The following SIPA1L1 variants were observed in gnomAD, a reference collection of about 807,000 sequenced individuals.
SIPA1L1 encodes signal-induced proliferation-associated 1-like protein 1.
Under a neutral mutation model 162.7 loss-of-function variants are expected in SIPA1L1, and 26 were observed. The observed-to-expected ratio is 0.16, with a 90% CI of 0.12 to 0.22. SIPA1L1 has a LOEUF of 0.22. Among genes scored for constraint, SIPA1L1 ranks in the 10% least tolerant of loss-of-function variants. SIPA1L1 has a pLI of 1.00. For synonymous variants in SIPA1L1, 829 were observed against 837.4 expected (o/e 0.99, Z 0.17); for missense variants, 1,874 against 2,241.0 (o/e 0.84, Z 3.31).
intron 8 of SIPA1L1, among the ~76,000 whole-genome samples, chr14:71,657,876 T>G (rs989124381): frequency 6.6e-6 from 1 of 152,124 alleles, no homozygotes; most frequent in African/African-American, 2.4e-5. Context: ...CCACAGTAAT[T>G]CATTTACCTG....
intron 2 of SIPA1L1, among the ~76,000 whole-genome samples, chr14:71,412,226 G>A (rs2042456013): frequency 1.3e-5 from 2 of 152,184 alleles, no homozygotes; most frequent in South Asian, 4.1e-4. Flanking sequence ...CAGCCCACGA[G>A]CCACATGTGG....
At chr14:71,340,527 T>TAAG (rs2035537691) in intron 2 of SIPA1L1, among the ~76,000 whole-genome samples, 1 of 152,218 alleles carries the variant, frequency 6.6e-6, no homozygotes, top group Admixed American at 6.5e-5. Context: ...AAAGGCTAAA[T>TAAG]AACTTGTCTA....
intron 2 of SIPA1L1, among the ~76,000 whole-genome samples, chr14:71,476,720 C>T (rs150802230): frequency 8.6e-5 from 13 of 151,052 alleles, no homozygotes; most frequent in African/African-American, 3.2e-4. Flanking sequence ...ATCTGTTGCC[C>T]AGGCTGGAGT....
chr14:71,419,124 C>G (rs1029078714), intron 2 of SIPA1L1, among the ~76,000 whole-genome samples: 1 of 152,102 alleles, frequency 6.6e-6, no homozygotes, highest in African/African-American at 2.4e-5. Flanking sequence ...TGAGTTCTGC[C>G]TGTAATAGTT....
chr14:71,638,463 G>GA (rs1282728050), intron 7 of SIPA1L1, among the ~76,000 whole-genome samples: 2 of 152,192 alleles, frequency 1.3e-5, no homozygotes, highest in African/African-American at 2.4e-5. Context: ...AATTGGTGCA[G>GA]AAAAAGCATT....
intron 4 of SIPA1L1, among the ~76,000 whole-genome samples, chr14:71,545,257 A>G (rs1479137330): frequency 2.0e-5 from 3 of 152,190 alleles, no homozygotes; most frequent in South Asian, 2.1e-4. Flanking sequence ...ATAAAAGCCA[A>G]TTAGATTTTG....
chr14:71,620,373 C>T (rs1371141004), intron 6 of SIPA1L1, among the ~76,000 whole-genome samples: 1 of 152,198 alleles, frequency 6.6e-6, no homozygotes, highest in Non-Finnish European at 1.5e-5. Flanking sequence ...CTGGCCGTTC[C>T]TACCAGTTTT....
At chr14:71,516,771 G>T (rs2051774358) in intron 3 of SIPA1L1, among the ~76,000 whole-genome samples, 1 of 151,832 alleles carries the variant, frequency 6.6e-6, no homozygotes, top group South Asian at 2.1e-4. Flanking sequence ...TGAGGAGTTT[G>T]AGACCAGCCT....
intron 2 of SIPA1L1, among the ~76,000 whole-genome samples, chr14:71,462,275 T>A (rs2046660643): frequency 6.6e-6 from 1 of 152,210 alleles, no homozygotes; most frequent in African/African-American, 2.4e-5. Context: ...TCCTCTGTGA[T>A]TCACCTATGG....
chr14:71,600,431 T>C (rs2036596563), intron 5 of SIPA1L1, among the ~76,000 whole-genome samples: 1 of 152,228 alleles, frequency 6.6e-6, no homozygotes, highest in Non-Finnish European at 1.5e-5. Context: ...TTCTGTATTC[T>C]GGATTCTGTT....
intron 3 of SIPA1L1, among the ~76,000 whole-genome samples, chr14:71,513,247 CTGG>C (rs1235536722): frequency 6.6e-6 from 1 of 152,020 alleles, no homozygotes; most frequent in African/African-American, 2.4e-5. Context: ...TGTAAGACAT[CTGG>C]TTGGTGTCTT....
At chr14:71,332,136 T>G (rs2034616980) in intron 2 of SIPA1L1, among the ~76,000 whole-genome samples, 1 of 152,200 alleles carries the variant, frequency 6.6e-6, no homozygotes, top group Non-Finnish European at 1.5e-5. Flanking sequence ...ACCAAATGAA[T>G]TTGTATCTGC....
intron 2 of SIPA1L1, among the ~76,000 whole-genome samples, chr14:71,358,650 C>T (rs1359594738): frequency 6.6e-6 from 1 of 152,136 alleles, no homozygotes; most frequent in Non-Finnish European, 1.5e-5. Context: ...TTAGTCAATT[C>T]TTGCACTAGT....
intron 2 of SIPA1L1, among the ~76,000 whole-genome samples, chr14:71,356,679 G>A (rs576146491): frequency 3.3e-5 from 5 of 150,958 alleles, no homozygotes; most frequent in African/African-American, 1.2e-4. Flanking sequence ...TGGTGCCACT[G>A]TACTCCAGCC....
intron 12 of SIPA1L1, among the ~76,000 whole-genome samples, chr14:71,675,043 TG>T (rs2044989377): frequency 6.6e-6 from 1 of 152,230 alleles, no homozygotes; most frequent in Non-Finnish European, 1.5e-5. Context: ...GGCTTTCTGC[TG>T]GGGTGAAGAA....
At chr14:71,647,231 A>T (rs117591830) in intron 7 of SIPA1L1, among the ~76,000 whole-genome samples, 210 of 152,172 alleles carry the variant, frequency 1.4e-3, no homozygotes, top group Non-Finnish European at 2.5e-3. Flanking sequence ...CTCTTAAAGG[A>T]TCATTCCTTT....
intron 2 of SIPA1L1, among the ~76,000 whole-genome samples, chr14:71,371,432 G>A (rs914187403): frequency 3.9e-5 from 6 of 152,070 alleles, no homozygotes; most frequent in African/African-American, 1.2e-4. Context: ...TTGTCACCTA[G>A]GCTGGAGTGC....
chr14:71,637,051 TA>T lies in SIPA1L1; in HGVS notation c.1818+12831del, dbSNP rs199901513. On this transcript the variant is annotated intron_variant, in intron 7 of 23. Coordinates refer to ENST00000381232, the MANE Select transcript of SIPA1L1 (RefSeq NM_001386936.1). ...GAGTGACAGAATGAGACTCCATCTT[TA>T]AAAAAAAAAAAAAAACAGCTACATC... Among the ~76,000 whole-genome samples the T allele has an allele frequency of 6.9e-3, 838 of 121,122 alleles. 12 individuals carry two copies. The highest frequency in any genetic ancestry group is 0.042 in the Admixed American group (502 of 11,916). 79.5% of individuals were successfully genotyped at this position (121,122 alleles called of 152,430 possible). A position where few individuals can be genotyped will look rare whatever the true frequency, so the allele number is the denominator to read the frequency against.
chr14:71,604,294 G>A (rs1026936023), intron 5 of SIPA1L1, among the ~76,000 whole-genome samples: 2 of 151,912 alleles, frequency 1.3e-5, no homozygotes, highest in Admixed American at 6.6e-5. Context: ...ACTGCACCTG[G>A]CCTTAGCTAA....
Sources: gnomAD v4.1 joint callset for allele counts (sites outside exome capture counted in the v4.1 genomes callset) on GRCh38, gnomAD v4.1.1 for gene constraint, MANE v1.5 for transcripts, NCBI Gene and HGNC (gene_info 2026-07-23, HGNC 2026-07-21) for gene names.